The following CHAMP1 variants were observed in gnomAD, a reference collection of about 807,000 sequenced individuals.
The protein encoded by CHAMP1 is chromosome alignment maintaining phosphoprotein 1, also known as chromosome alignment-maintaining phosphoprotein 1.
CHAMP1 carries 4 observed loss-of-function variants against 54.5 expected under a neutral mutation model. The observed-to-expected ratio is 0.07, with a 90% CI of 0.04 to 0.17. The LOEUF (loss-of-function observed/expected upper bound fraction) is 0.17. Among genes scored for constraint, CHAMP1 ranks in the 10% least tolerant of loss-of-function variants. The pLI is 1.00. For missense variants in CHAMP1, 994 were observed against 968.6 expected (o/e 1.03, Z -0.35); for synonymous variants, 368 against 342.2 (o/e 1.08, Z -0.83).
Position 114,324,213 on chromosome 13 carries a change from C to G in CHAMP1, c.371C>G (p.Pro124Arg), listed in dbSNP as rs782028595. The change falls in exon 3 of 3, where the codon CCA (proline) becomes CGA (arginine). Residue 124 changes from proline to arginine, a missense_variant. Pro to Arg is a moderately radical substitution (Grantham distance 103). Transcript: ENST00000361283. The stretch of plus-strand genomic sequence containing the variant: ...AAAATACCCTGCAATTCAGCAGAAC[C>G]AAAATCCATACCTGCCCTTTCAATG... ...HQKIPCNSAE[P>R]KSIPALSMET... 6.2e-7 allele frequency: 1 copy of G among 1,614,136 alleles called. No homozygotes were observed. Among genetic ancestry groups the G allele is most frequent in the Non-Finnish European group, 8.5e-7 (1 of 1,180,020 alleles).
intron 2 of CHAMP1, chr13:114,321,920 T>C (rs1192203744): frequency 2.6e-5 from 4 of 152,144 alleles, no homozygotes; most frequent in South Asian, 2.1e-4. Flanking sequence ...GTCACCTTTT[T>C]AGCTTTAGAT....
intron 1 of CHAMP1, among the ~76,000 whole-genome samples, chr13:114,318,440 C>T (rs1310339088): frequency 1.3e-5 from 2 of 151,924 alleles, no homozygotes; most frequent in African/African-American, 4.8e-5. Context: ...TCTCTTGCCT[C>T]AGGCTCCCGA....
intron 1 of CHAMP1, among the ~76,000 whole-genome samples, chr13:114,318,772 TATA>T (rs2087131607): frequency 6.6e-6 from 1 of 151,706 alleles, no homozygotes; most frequent in Admixed American, 6.6e-5. Context: ...ATATATTATC[TATA>T]ATTCTTCCCC....
intron 2 of CHAMP1, 80 bp downstream of exon 2, chr13:114,321,312 GA>G (rs1253507798): frequency 6.6e-6 from 1 of 151,986 alleles, no homozygotes; most frequent in Non-Finnish European, 1.5e-5. Flanking sequence ...AGTTCTTGAG[GA>G]AAATCTCTAA....
chr13:114,316,752 A>AT (rs201616810), intron 1 of CHAMP1, among the ~76,000 whole-genome samples: 16,013 of 136,872 alleles, frequency 0.12, 928 homozygotes, highest in African/African-American at 0.15. Context: ...AGTGCTTTGG[A>AT]TTTTTTTTTT....
rs1555379962 is a variant in CHAMP1, at chr13:114,325,917, T to C, written c.2075T>C (p.Phe692Ser). 12 of 1,614,008 alleles carry C rather than the reference T, an allele frequency of 7.4e-6. No individual in the cohort carries two copies. Among genetic ancestry groups the C allele is most frequent in the Non-Finnish European group, 1.0e-5 (12 of 1,179,984 alleles). Residue 692 changes from phenylalanine to serine, a missense_variant, in exon 3 of 3, where the codon TTT becomes TCT. Phe to Ser is a radical substitution (Grantham distance 155, BLOSUM62 -2). Transcript: ENST00000361283. The stretch of plus-strand genomic sequence containing the variant: ...CAGTTTACTGAAGAAAAAGAAGCTT[T>C]TATCTCTGAAGAGGAGATTGCAAAA... ...VLQFTEEKEA[F>S]ISEEEIAKYM... is the part of the protein sequence containing the mutation.
Position 114,326,348 on chromosome 13 carries a change from T to A in CHAMP1, c.*67T>A. The A allele has an allele frequency of 6.7e-7, 1 of 1,487,180 alleles. No individual in the cohort carries two copies. Among genetic ancestry groups the A allele is most frequent in the Non-Finnish European group, 9.0e-7 (1 of 1,114,976 alleles). The allele number at this position is 1,487,180 out of a possible 1,614,324, so 92.1% of individuals were successfully genotyped here. A position where few individuals can be genotyped will look rare whatever the true frequency, so the allele number is the denominator to read the frequency against. On this transcript the variant is annotated 3_prime_UTR_variant, in exon 3 of 3. Transcript: ENST00000361283. ...AACCATTCTTTGTAAGTATAGCTTA[T>A]CAGATAGCATAGTTGGATCAGTAGA... is the stretch of plus-strand genomic sequence containing the variant.
Position 114,324,803 on chromosome 13 carries a change from A to G in CHAMP1, c.961A>G (p.Arg321Gly). 1 of 1,614,072 alleles carries G rather than the reference A, an allele frequency of 6.2e-7. No homozygotes were observed. The highest frequency in any genetic ancestry group is 8.5e-7 in the Non-Finnish European group (1 of 1,179,962). ...SWKPGPPGSPRPWKSNPSASS... is the reference protein window; with the variant it reads ...SWKPGPPGSPGPWKSNPSASS... ...GAAACCAGGGCCACCTGGGTCCCCT[A>G]GGCCTTGGAAATCCAATCCTTCAGC... Residue 321 changes from arginine (R) to glycine (G), a missense_variant, in exon 3 of 3, where the codon AGG (arginine) becomes GGG (glycine). Around this residue, in one of 3 missense-constraint regions of CHAMP1, gnomAD observed 851 missense variants for 701.3 expected, o/e 1.21. Transcript: ENST00000361283.
chr13:114,316,518 A>T (rs1185179493), intron 1 of CHAMP1, among the ~76,000 whole-genome samples: 1 of 151,230 alleles, frequency 6.6e-6, no homozygotes, highest in Non-Finnish European at 1.5e-5. Context: ...TGAACCTGGG[A>T]GGTGGAGATT....
chr13:114,323,193 T>C (rs1291805806), intron 2 of CHAMP1: 1 of 152,226 alleles, frequency 6.6e-6, no homozygotes, highest in African/African-American at 2.4e-5. Context: ...CACAAAGTTA[T>C]TTATTTATTA....
intron 1 of CHAMP1, among the ~76,000 whole-genome samples, chr13:114,316,584 C>G (rs2087102445): frequency 6.6e-6 from 1 of 150,734 alleles, no homozygotes; most frequent in African/African-American, 2.4e-5. Flanking sequence ...AGCGAGACTC[C>G]CTCTCAAAAA....
intron 1 of CHAMP1, among the ~76,000 whole-genome samples, chr13:114,318,233 G>T (rs748590333): frequency 6.6e-6 from 1 of 151,894 alleles, no homozygotes; most frequent in Non-Finnish European, 1.5e-5. Context: ...CTTTCCCTCA[G>T]CATCAGTCTT....
rs2087262048 is a variant in CHAMP1 at position 114,327,159 on chromosome 13, C to A, written c.*878C>A. 2 of 166,980 alleles carry A rather than the reference C, an allele frequency of 1.2e-5. No individual in the cohort carries two copies. 10.3% of individuals were successfully genotyped at this position (166,980 alleles called of 1,614,324 possible). A position where few individuals can be genotyped will look rare whatever the true frequency, so the allele number is the denominator to read the frequency against. On this transcript the variant is annotated 3_prime_UTR_variant, in exon 3 of 3. Coordinates refer to ENST00000361283, the MANE Select transcript of CHAMP1 (RefSeq NM_032436.4). ...GTAGGAACTGAAAGTCTTCCAGATT[C>A]ACAGTAGAAAATTTTATAGACATTT...
chr13:114,320,254 A>T (rs1273207320), intron 1 of CHAMP1, among the ~76,000 whole-genome samples: 1 of 152,150 alleles, frequency 6.6e-6, no homozygotes, highest in Non-Finnish European at 1.5e-5. Flanking sequence ...CCACACCATG[A>T]TGCTTTATCT....
intron 1 of CHAMP1, among the ~76,000 whole-genome samples, chr13:114,315,617 A>C (rs984844296): frequency 3.3e-5 from 5 of 152,172 alleles, no homozygotes; most frequent in Non-Finnish European, 7.3e-5. Context: ...TGTTGAGTGA[A>C]ATAAGACACA....
intron 1 of CHAMP1, among the ~76,000 whole-genome samples, chr13:114,316,194 A>C (rs1485032765): frequency 6.8e-6 from 1 of 146,790 alleles, no homozygotes; most frequent in African/African-American, 2.5e-5. Flanking sequence ...CCAGAGTTTC[A>C]CTTTTGTTGC....
At chr13:114,320,955 CAA>C (rs1233050968) in intron 1 of CHAMP1, among the ~76,000 whole-genome samples, 153 bp from the exon 2 acceptor site, 4 of 122,394 alleles carry the variant, frequency 3.3e-5, no homozygotes. Context: ...GACTCTGTCT[CAA>C]AAAAAAAAAA....
Position 114,324,764 on chromosome 13 carries a change from T to A in CHAMP1, c.922T>A (p.Ser308Thr). 6.2e-7 allele frequency: 1 copy of A among 1,613,980 alleles called. No homozygotes were observed. Among genetic ancestry groups the A allele is most frequent in the Non-Finnish European group, 8.5e-7 (1 of 1,179,882 alleles). Residue 308 changes from serine to threonine, a missense_variant, in exon 3 of 3, where the codon TCA becomes ACA. Physicochemically the swap from Ser to Thr is moderately conservative, Grantham distance 58. Around this residue, in one of 3 missense-constraint regions of CHAMP1, gnomAD observed 851 missense variants for 701.3 expected, o/e 1.21. Transcript: ENST00000361283. ...PEPRRPAPAV[S>T]PGSWKPGPPG... is the part of the protein sequence containing the mutation. Reference sequence around the variant, plus strand: ...GCCTAGGAGACCAGCCCCCGCTGTGTCACCAGGCTCTTGGAAACCAGGGCC... The same window carrying A: ...GCCTAGGAGACCAGCCCCCGCTGTGACACCAGGCTCTTGGAAACCAGGGCC...
At chr13:114,321,081 CTTTTCTT>C (rs1455335821) in intron 1 of CHAMP1, 22 bp from the exon 2 acceptor site, 8 of 127,532 alleles carry the variant, frequency 6.3e-5, no homozygotes, top group African/African-American at 2.3e-4. Context: ...GTTTTGATTA[CTTTTCTT>C]TTTTTTTTTT....
Sources: gnomAD v4.1 joint callset for allele counts (sites outside exome capture counted in the v4.1 genomes callset) on GRCh38, gnomAD v4.1.1 for gene constraint, gnomAD v4.1.1 regional missense constraint, MANE v1.5 for transcripts, NCBI Gene and HGNC (gene_info 2026-07-23, HGNC 2026-07-21) for gene names.